PLEKHG1: variants seen among roughly 807,000 people sequenced by gnomAD.
PLEKHG1 encodes pleckstrin homology and RhoGEF domain containing G1, also known as pleckstrin homology domain-containing family G member 1.
Under a neutral mutation model 100.8 loss-of-function variants are expected in PLEKHG1, and 44 were observed. The observed-to-expected ratio is 0.44, with a 90% CI of 0.34 to 0.56. The LOEUF is 0.56. Ranked by LOEUF, PLEKHG1 falls within the 20% of genes least tolerant of loss-of-function variation. PLEKHG1 has a pLI of 0.01. For synonymous variants in PLEKHG1, 640 were observed against 662.5 expected, an observed-to-expected ratio of 0.97 and a Z score of 0.52; for missense variants, 1,545 against 1,720.9, an observed-to-expected ratio of 0.90 and a Z score of 1.81.
chr6:150,779,846 G>A (rs1205277058), intron 3 of PLEKHG1, among the ~76,000 whole-genome samples: 1 of 151,578 alleles, frequency 6.6e-6, no homozygotes, highest in East Asian at 2.0e-4. Context: ...CGTGCCTGTA[G>A]TCCCAGCTAC....
chr6:150,626,164 G>A (rs558420747), intron 1 of PLEKHG1: 1 of 150,900 alleles, frequency 6.6e-6, no homozygotes, highest in African/African-American at 2.4e-5. Flanking sequence ...GGGGGCGGGG[G>A]GTCTGTTGTA....
intron 2 of PLEKHG1, among the ~76,000 whole-genome samples, chr6:150,740,345 G>A (rs1333574842): frequency 6.6e-6 from 1 of 152,228 alleles, no homozygotes; most frequent in African/African-American, 2.4e-5. Context: ...CTTAGCCATA[G>A]TGGAATGGTT....
chr6:150,779,069 A>T (rs1447318975), intron 3 of PLEKHG1, among the ~76,000 whole-genome samples: 1 of 152,162 alleles, frequency 6.6e-6, no homozygotes, highest in Non-Finnish European at 1.5e-5. Flanking sequence ...GCCATGCATT[A>T]TTGGCAGTGT....
chr6:150,611,027 A>G (rs1358601241), intron 1 of PLEKHG1, among the ~76,000 whole-genome samples: 1 of 152,220 alleles, frequency 6.6e-6, no homozygotes. Context: ...TGGGGAGGGC[A>G]TCATAGACCT....
At chr6:150,749,869 C>T (rs999585435) in intron 2 of PLEKHG1, among the ~76,000 whole-genome samples, 1 of 152,076 alleles carries the variant, frequency 6.6e-6, no homozygotes, top group East Asian at 1.9e-4. Context: ...GTCAGGAGTT[C>T]GAGAACAGCC....
rs188453149 is a variant in PLEKHG1 at position 150,766,903 on chromosome 6, C to T, written c.412-1735C>T. On this transcript the variant is annotated intron_variant, in intron 2 of 15. Coordinates refer to ENST00000358517, the Ensembl canonical transcript of PLEKHG1. ...TCTGAATTCAGCCAGGTGAATGTGG[C>T]TTGCACCCTCCACCCCTGCCCCGCC... Among the ~76,000 whole-genome samples, 3 of 152,286 alleles carry T rather than the reference C, an allele frequency of 2.0e-5. No homozygotes were observed. In the East Asian group the frequency reaches 5.8e-4, roughly 29 times the overall value.
intron 2 of PLEKHG1, among the ~76,000 whole-genome samples, chr6:150,759,912 G>C (rs931763841): frequency 3.3e-5 from 5 of 152,040 alleles, no homozygotes; most frequent in Non-Finnish European, 5.9e-5. Flanking sequence ...GCGGGAGATT[G>C]CTTAAGGCAG....
chr6:150,631,314 T>A (rs984231933), intron 1 of PLEKHG1, among the ~76,000 whole-genome samples: 3 of 152,222 alleles, frequency 2.0e-5, no homozygotes, highest in East Asian at 3.8e-4. Context: ...CCACCTTTTT[T>A]CCATCCAGCA....
At chr6:150,815,291 T>G (rs1787800219) in intron 10 of PLEKHG1, among the ~76,000 whole-genome samples, 1 of 152,212 alleles carries the variant, frequency 6.6e-6, no homozygotes, top group Admixed American at 6.5e-5. Context: ...CTTCCGTTCT[T>G]TTAATTCAAT....
exon 2 of PLEKHG1, chr6:150,733,822 G>C: frequency 6.2e-7 from 1 of 1,614,220 alleles, no homozygotes; most frequent in East Asian, 2.2e-5. Context: ...ACCAGGATAA[G>C]GAGGTAGGGG....
intron 11 of PLEKHG1, among the ~76,000 whole-genome samples, 196 bp downstream of exon 12, chr6:150,818,412 A>T (rs936998019): frequency 1.3e-5 from 2 of 152,182 alleles, no homozygotes; most frequent in Non-Finnish European, 2.9e-5. Context: ...TCCCAGGTTT[A>T]TCTGAGTCCC....
chr6:150,667,738 T>A (rs1206584269), intron 3 of PLEKHG1, among the ~76,000 whole-genome samples: 1 of 152,242 alleles, frequency 6.6e-6, no homozygotes, highest in Non-Finnish European at 1.5e-5. Context: ...AGAGAACTTT[T>A]AGAAAAGCTG....
At chr6:150,634,577 G>A (rs972037960) in intron 1 of PLEKHG1, among the ~76,000 whole-genome samples, 2 of 151,996 alleles carry the variant, frequency 1.3e-5, no homozygotes, top group African/African-American at 4.8e-5. Context: ...AGAATTAAGT[G>A]AATAAAAATA....
chr6:150,687,363 G>A (rs1255574502), intron 3 of PLEKHG1, among the ~76,000 whole-genome samples: 1 of 152,138 alleles, frequency 6.6e-6, no homozygotes, highest in Non-Finnish European at 1.5e-5. Context: ...ACTTTATTAT[G>A]TCTGGAATGG....
At chr6:150,697,556 C>T (rs942220090) in intron 3 of PLEKHG1, among the ~76,000 whole-genome samples, 1 of 152,176 alleles carries the variant, frequency 6.6e-6, no homozygotes, top group Non-Finnish European at 1.5e-5. Flanking sequence ...TTGAGAATCT[C>T]GCTGAGGGCC....
At position 150,811,147 on chromosome 6, in the gene PLEKHG1, C is replaced by T. The variant is rs763719221; in HGVS notation, c.1278+1413C>T. 5.3e-5 allele frequency among the ~76,000 whole-genome samples: 8 copies of T among 152,118 alleles called. No homozygotes were observed. In the South Asian group the frequency reaches 8.3e-4, roughly 16 times the overall value. ...GGGAGCCAGCTGCCAAGCCATGAACCGTTTGCCAACCATGAAGACATAACA... is the reference window on the plus strand; with the variant it reads ...GGGAGCCAGCTGCCAAGCCATGAACTGTTTGCCAACCATGAAGACATAACA... On this transcript the variant is annotated intron_variant, in intron 10 of 15. Coordinates refer to ENST00000358517, the Ensembl canonical transcript of PLEKHG1.
At position 150,839,939 on chromosome 6, in the gene PLEKHG1, C is replaced by A. The variant is rs1026382965; in HGVS notation, c.3201C>A (p.Leu1067=). The stretch of plus-strand genomic sequence containing the variant: ...GGGCCAGCCCTCAAGAATCCTCCCT[C>A]CTGAGGTCTGTGTCACCTTCCCAGG... The change falls in exon 16 of 16, where the codon CTC becomes CTA. Residue 1067 remains leucine, a synonymous_variant. Coordinates refer to ENST00000358517, the Ensembl canonical transcript of PLEKHG1. The A allele has an allele frequency of 2.5e-6, 4 of 1,614,050 alleles. No homozygotes were observed. The East Asian group carries it at 8.9e-5, about 36-fold the overall frequency.
chr6:150,702,219 C>T (rs889973145), intron 3 of PLEKHG1, among the ~76,000 whole-genome samples: 3 of 152,198 alleles, frequency 2.0e-5, no homozygotes, highest in Non-Finnish European at 4.4e-5. Context: ...TGCCTATAAT[C>T]CCAGCACTTT....
At chr6:150,732,190 A>G (rs1782304624) in intron 1 of PLEKHG1, among the ~76,000 whole-genome samples, 1 of 148,836 alleles carries the variant, frequency 6.7e-6, no homozygotes, top group South Asian at 2.1e-4. Flanking sequence ...TTGACTTTGC[A>G]GATAGTTTTT....
Sources: allele counts gnomAD v4.1 joint callset (sites outside exome capture counted in the v4.1 genomes callset), GRCh38; gene constraint gnomAD v4.1.1; transcripts MANE v1.5; gene names NCBI Gene and HGNC (gene_info 2026-07-23, HGNC 2026-07-21).